Variants in SEC14L1 observed in about 807,000 individuals in gnomAD.
SEC14L1 encodes SEC14 like lipid binding 1.
In SEC14L1, 48 loss-of-function variants were observed where a neutral mutation model predicts 85.3. The observed-to-expected ratio is 0.56, with a 90% CI of 0.45 to 0.72. SEC14L1 has a LOEUF of 0.72. Among genes scored for constraint, SEC14L1 ranks in the 30% least tolerant of loss-of-function variants. The pLI is 0.00. For synonymous variants in SEC14L1, 391 were observed against 355.5 expected (o/e 1.10, Z -1.12); for missense variants, 682 against 921.4 (o/e 0.74, Z 3.36).
At chr17:77,124,488 C>G (rs370058998) in intron 3 of SEC14L1, among the ~76,000 whole-genome samples, 77 of 152,308 alleles carry the variant, frequency 5.1e-4, no homozygotes, top group South Asian at 3.5e-3. Context: ...CACTGGGTCA[C>G]GGGAGGTAGG....
At chr17:77,167,487 C>T (rs1190711766) in intron 3 of SEC14L1, among the ~76,000 whole-genome samples, 1 of 152,266 alleles carries the variant, frequency 6.6e-6, no homozygotes, top group African/African-American at 2.4e-5. Flanking sequence ...CAATGGGTTA[C>T]TTGATTGCTT....
intron 14 of SEC14L1, chr17:77,210,749 C>T (rs2143207480): frequency 6.6e-6 from 1 of 152,342 alleles, no homozygotes; most frequent in South Asian, 2.1e-4. Flanking sequence ...GGGACCGAGT[C>T]CTTGTTCCTT....
Position 77,191,172 on chromosome 17 carries a change from T to C in SEC14L1, c.214-9T>C. 1 of 1,609,952 alleles carries C rather than the reference T, an allele frequency of 6.2e-7. No homozygotes were observed. ...AATAAACCCATTTCTCTTTCTTTTT[T>C]TTTTGAAGATTGCAGGAGTTGATTA... On this transcript the variant is annotated splice_polypyrimidine_tract_variant and intron_variant, in intron 4 of 16. Coordinates refer to ENST00000436233, the MANE Select transcript of SEC14L1 (RefSeq NM_001143998.2).
chr17:77,196,327 A>C lies in SEC14L1; in HGVS notation c.819+16A>C. On this transcript the variant is annotated intron_variant, in intron 8 of 16. Coordinates refer to ENST00000436233, the MANE Select transcript of SEC14L1 (RefSeq NM_001143998.2). Reference sequence around the variant, plus strand: ...CAAGGGCAAAGTGAGTGTCAGCACCACACCCAGTGTGCAGGGCCAGAGCTA... The same window carrying C: ...CAAGGGCAAAGTGAGTGTCAGCACCCCACCCAGTGTGCAGGGCCAGAGCTA... 2 of 1,494,582 alleles carry C rather than the reference A, an allele frequency of 1.3e-6. No homozygotes were observed. Among genetic ancestry groups the C allele is most frequent in the Non-Finnish European group, 9.3e-7 (1 of 1,072,498 alleles). 92.6% of individuals were successfully genotyped at this position (1,494,582 alleles called of 1,614,324 possible).
chr17:77,135,296 G>A (rs1972760679), intron 3 of SEC14L1, among the ~76,000 whole-genome samples: 1 of 151,860 alleles, frequency 6.6e-6, no homozygotes, highest in African/African-American at 2.4e-5. Flanking sequence ...CTTTGCATCT[G>A]AGTGATACCA....
rs1194413569 is a variant in SEC14L1, at chr17:77,216,591, A to G, written c.*2568A>G. On this transcript the variant is annotated 3_prime_UTR_variant, in exon 17 of 17. Transcript: ENST00000436233. ...AGCTGCCAAGAAAATGCTTCACTCA[A>G]CAGTCCTCATGTGCCCAGAGATGTT... The G allele has an allele frequency of 1.2e-6, 2 of 1,613,320 alleles. No homozygotes were observed. The highest frequency in any genetic ancestry group is 1.1e-5 in the South Asian group (1 of 91,082).
intron 3 of SEC14L1, chr17:77,145,083 G>A (rs1973223563): frequency 1.6e-5 from 1 of 61,584 alleles, no homozygotes; most frequent in South Asian, 7.5e-4. Context: ...TAATTTGTGT[G>A]TGTGTGTGTG....
At chr17:77,171,621 C>A (rs1358613542) in intron 3 of SEC14L1, among the ~76,000 whole-genome samples, 2 of 152,172 alleles carry the variant, frequency 1.3e-5, no homozygotes, top group Non-Finnish European at 2.9e-5. Context: ...TCAAATTTTT[C>A]CAAGGTGTGG....
rs895174134 is a variant in SEC14L1 at position 77,206,042 on chromosome 17, G to A, written c.1170-187G>A. 1.3e-5 allele frequency among the ~76,000 whole-genome samples: 2 copies of A among 152,092 alleles called. No homozygotes were observed. The highest frequency in any genetic ancestry group is 1.5e-5 in the Non-Finnish European group (1 of 68,024). On this transcript the variant is annotated intron_variant, in intron 11 of 16. Coordinates refer to ENST00000436233, the MANE Select transcript of SEC14L1 (RefSeq NM_001143998.2). This position sits in a 1 kb window ranked among gnomAD's most constrained non-coding sequence, Gnocchi z 4.3. ...TTTCAGGCCTTGGTCCTACCACACT[G>A]ATCCTGTGTGTTTTGTACAAGTAGA...
At chr17:77,091,174 A>G (rs781397948) in intron 2 of SEC14L1, among the ~76,000 whole-genome samples, 71 of 151,472 alleles carry the variant, frequency 4.7e-4, no homozygotes, top group Non-Finnish European at 8.7e-4. Flanking sequence ...TGCAACCTCC[A>G]CCTCCCAGAT....
At chr17:77,090,918 C>T (rs1324368985) in intron 2 of SEC14L1, among the ~76,000 whole-genome samples, 1 of 143,722 alleles carries the variant, frequency 7.0e-6, no homozygotes, top group African/African-American at 2.5e-5. Flanking sequence ...TGCAGTGAGT[C>T]ATGATGGTGC....
rs182007115 is a variant in SEC14L1 at position 77,118,211 on chromosome 17, T to C, written c.-135-24435T>C. Among the ~76,000 whole-genome samples, 7 of 152,344 alleles carry C rather than the reference T, an allele frequency of 4.6e-5. No individual in the cohort carries two copies. In the South Asian group the frequency reaches 8.3e-4, roughly 18 times the overall value. ...AAGGGGCTGGAACAGCTTTTCCCTATCGTTTATCCTGAAGCCTTCTTACCT... is the reference window on the plus strand; with the variant it reads ...AAGGGGCTGGAACAGCTTTTCCCTACCGTTTATCCTGAAGCCTTCTTACCT... On this transcript the variant is annotated intron_variant, in intron 3 of 19. Transcript: ENST00000392476.
At chr17:77,173,197 C>T (rs992285797) in intron 3 of SEC14L1, among the ~76,000 whole-genome samples, 3 of 152,158 alleles carry the variant, frequency 2.0e-5, no homozygotes, top group Non-Finnish European at 2.9e-5. Context: ...GGGCACTTCC[C>T]TTAAGGGGAA....
At chr17:77,170,600 G>C (rs895414977) in intron 3 of SEC14L1, among the ~76,000 whole-genome samples, 2 of 152,160 alleles carry the variant, frequency 1.3e-5, no homozygotes, top group Non-Finnish European at 2.9e-5. Context: ...GTTTAAGTAA[G>C]GCAGTCCATA....
At chr17:77,116,071 A>C (rs1021174119) in intron 3 of SEC14L1, among the ~76,000 whole-genome samples, 1 of 152,018 alleles carries the variant, frequency 6.6e-6, no homozygotes, top group African/African-American at 2.4e-5. Context: ...GGTGCACACC[A>C]CCAGGTTCAG....
chr17:77,113,843 G>C (rs562027415), intron 3 of SEC14L1, among the ~76,000 whole-genome samples: 1 of 152,278 alleles, frequency 6.6e-6, no homozygotes, highest in Admixed American at 6.5e-5. Flanking sequence ...AGAAGTCACT[G>C]TCTGTGGCAA....
intron 3 of SEC14L1, among the ~76,000 whole-genome samples, chr17:77,095,672 C>T (rs755767724): frequency 2.6e-5 from 4 of 152,068 alleles, no homozygotes; most frequent in African/African-American, 4.8e-5. Context: ...CAAAATTCAA[C>T]CAGGTGTCGT....
chr17:77,214,107 C>T lies in SEC14L1; in HGVS notation c.*84C>T. The T allele has an allele frequency of 6.5e-7, 1 of 1,545,738 alleles. No homozygotes were observed. Among genetic ancestry groups the T allele is most frequent in the Non-Finnish European group, 8.7e-7 (1 of 1,147,028 alleles). ...GCTGCACCCGCCCACCCAGCGGCGA[C>T]ATTGTACAGACTCCTCTCACCTCTA... is the stretch of plus-strand genomic sequence containing the variant. On this transcript the variant is annotated 3_prime_UTR_variant, in exon 17 of 17. Transcript: ENST00000436233.
At chr17:77,136,975 T>A (rs188913473), upstream of SEC14L1, among the ~76,000 whole-genome samples, 4 of 151,622 alleles carry the variant, frequency 2.6e-5, no homozygotes, top group Non-Finnish European at 5.9e-5. Flanking sequence ...AATGGTGCGG[T>A]CTCGGCTCAC....
Sources: allele counts gnomAD v4.1 joint callset (sites outside exome capture counted in the v4.1 genomes callset), GRCh38; gene constraint gnomAD v4.1.1; non-coding constraint Gnocchi (gnomAD v3.1); transcripts MANE v1.5; gene names NCBI Gene and HGNC (gene_info 2026-07-23, HGNC 2026-07-21).